The following SRP72 variants were observed in gnomAD, a reference collection of about 807,000 sequenced individuals.
The protein encoded by SRP72 is signal recognition particle 72.
SRP72 carries 49 observed loss-of-function variants against 96.3 expected under a neutral mutation model. The observed-to-expected ratio is 0.51, with a 90% CI of 0.40 to 0.65. The LOEUF (loss-of-function observed/expected upper bound fraction) is 0.65, where lower values mean the gene tolerates loss of function less well. Among genes scored for constraint, SRP72 ranks in the 30% least tolerant of loss-of-function variants. The probability of loss-of-function intolerance (pLI) is 0.00; values close to 1 mark genes in which losing one functional copy is unlikely to be tolerated. For synonymous variants in SRP72, 267 were observed against 275.2 expected, an observed-to-expected ratio of 0.97 and a Z score of 0.30; for missense variants, 736 against 793.3, an observed-to-expected ratio of 0.93 and a Z score of 0.87.
chr4:56,483,476 G>A (rs1199855197), intron 9 of SRP72, among the ~76,000 whole-genome samples: 1 of 152,066 alleles, frequency 6.6e-6, no homozygotes, highest in Non-Finnish European at 1.5e-5. Context: ...ACTTTGGGAG[G>A]TTGAAGTGGG....
chr4:56,495,521 T>G (rs890595238), intron 17 of SRP72, 127 bp downstream of exon 17: 2 of 507,496 alleles, frequency 3.9e-6, no homozygotes, highest in Non-Finnish European at 6.9e-6. Flanking sequence ...TTATCTTGAC[T>G]ATAGCTAACA....
intron 5 of SRP72, among the ~76,000 whole-genome samples, chr4:56,474,766 C>T (rs1720140079): frequency 6.6e-6 from 1 of 152,028 alleles, no homozygotes; most frequent in African/African-American, 2.4e-5. Context: ...CTCATTTCAC[C>T]CTCCGCCTCC....
At position 56,490,411 on chromosome 4, in the gene SRP72, A is replaced by AT; in HGVS notation, c.1401dup (p.Ser468Ter). 1 of 1,614,076 alleles carries AT rather than the reference A, an allele frequency of 6.2e-7. No individual in the cohort carries two copies. The highest frequency in any genetic ancestry group is 8.5e-7 in the Non-Finnish European group (1 of 1,179,974). On this transcript the variant is annotated frameshift_variant, in exon 14 of 19. Transcript: ENST00000642900. LOFTEE classifies it high-confidence loss of function. ...CAAATATGGGCGGAAGAAGGAGGCA[A>AT]TTAGTGACCTACAACAGCTGTGGAA... is the stretch of plus-strand genomic sequence containing the variant.
chr4:56,489,353 G>A (rs765964480), intron 12 of SRP72, 35 bp from the exon 13 acceptor site: 2 of 1,242,938 alleles, frequency 1.6e-6, no homozygotes, highest in Admixed American at 1.9e-5. Context: ...GGGAGTGAAG[G>A]GGGAGTTCAC....
intron 16 of SRP72, among the ~76,000 whole-genome samples, chr4:56,492,692 T>C (rs1720949772): frequency 6.6e-6 from 1 of 152,236 alleles, no homozygotes; most frequent in Non-Finnish European, 1.5e-5. Flanking sequence ...AATTGGAGTC[T>C]CAAAGAGGTT....
At chr4:56,470,701 G>A (rs1353674373) in intron 2 of SRP72, among the ~76,000 whole-genome samples, 1 of 152,136 alleles carries the variant, frequency 6.6e-6, no homozygotes, top group South Asian at 2.1e-4. Context: ...AAATAAAAGG[G>A]AAATAGAGGC....
chr4:56,483,673 GAA>G (rs920717276), intron 9 of SRP72, among the ~76,000 whole-genome samples: 1 of 126,428 alleles, frequency 7.9e-6, no homozygotes, highest in Non-Finnish European at 1.7e-5. Context: ...TCTCCAAAAA[GAA>G]AAAAAAAAAA....
chr4:56,495,236 T>G (rs900692738), intron 16 of SRP72, 121 bp from the exon 17 acceptor site: 8 of 509,660 alleles, frequency 1.6e-5, no homozygotes, highest in Non-Finnish European at 2.7e-5. Flanking sequence ...TTTGGTAAGC[T>G]GATACCAAGT....
intron 13 of SRP72, 129 bp from the exon 14 acceptor site, chr4:56,490,204 C>T (rs1331099503): frequency 6.0e-6 from 4 of 664,946 alleles, no homozygotes; most frequent in African/African-American, 5.5e-5. Flanking sequence ...TTGTTTCAGG[C>T]ATTCAGTGAA....
At position 56,501,673 on chromosome 4, in the gene SRP72, G is replaced by C. The variant is rs756416443; in HGVS notation, c.1839-11G>C. On this transcript the variant is annotated splice_polypyrimidine_tract_variant and intron_variant, in intron 18 of 18. Transcript: ENST00000642900. ...ATATATGAGTGACCAAAAATGATCT[G>C]ATGATTTCAGGGATGCCAGTAAAAC... 2.0e-5 allele frequency: 32 copies of C among 1,610,390 alleles called. No individual in the cohort carries two copies. The highest frequency in any genetic ancestry group is 2.7e-5 in the Non-Finnish European group (32 of 1,178,922).
chr4:56,469,137 A>C (rs550965681), intron 1 of SRP72, among the ~76,000 whole-genome samples: 1 of 152,344 alleles, frequency 6.6e-6, no homozygotes, highest in Middle Eastern at 3.4e-3. Flanking sequence ...TATTGTCAGT[A>C]ACCTTATTAA....
intron 6 of SRP72, among the ~76,000 whole-genome samples, chr4:56,478,154 C>CTTTTTTTT (rs796835545): frequency 1.7e-5 from 2 of 115,780 alleles, no homozygotes; most frequent in African/African-American, 3.1e-5. Context: ...TTTGCCTTTT[C>CTTTTTTTT]TTTTTTTTTT....
intron 2 of SRP72, 131 bp from the exon 3 acceptor site, chr4:56,471,589 A>C (rs541078033): frequency 1.0e-6 from 1 of 995,442 alleles, no homozygotes; most frequent in African/African-American, 1.7e-5. Context: ...ATATTTAGAC[A>C]AGTCTCTAAC....
chr4:56,483,871 G>C (rs1171538095), intron 9 of SRP72, among the ~76,000 whole-genome samples: 1 of 151,888 alleles, frequency 6.6e-6, no homozygotes, highest in Non-Finnish European at 1.5e-5. Flanking sequence ...TGCTAGCCAT[G>C]ATTATAGATT....
rs770222563 is a variant in SRP72, at chr4:56,469,607, A to T, written c.110-46A>T. ...GTGGGAAAATTTAGTAAAAATGTGA[A>T]AAGGAAATGGATTTAAAAATGACTT... is the stretch of plus-strand genomic sequence containing the variant. On this transcript the variant is annotated intron_variant, in intron 1 of 18. Transcript: ENST00000642900. 2.0e-6 allele frequency: 3 copies of T among 1,493,280 alleles called. No homozygotes were observed. In the South Asian group the frequency reaches 4.2e-5, roughly 21 times the overall value. 92.5% of individuals were successfully genotyped at this position (1,493,280 alleles called of 1,614,324 possible).
chr4:56,475,201 G>A (rs191733300), intron 5 of SRP72, among the ~76,000 whole-genome samples: 11 of 152,086 alleles, frequency 7.2e-5, no homozygotes, highest in Non-Finnish European at 1.3e-4. Flanking sequence ...ACTGTCAAAT[G>A]TTGAAAGTTA....
Position 56,472,348 on chromosome 4 carries a change from CTTTT to C in SRP72, c.354+521_354+524del, listed in dbSNP as rs11332013. ...CTAGCAAAACCCTCTTAAAGTTTTT[CTTTT>C]TTTTTTTTTTTTTTTAATGGAGTCT... On this transcript the variant is annotated intron_variant, in intron 3 of 18. Transcript: ENST00000642900. Among the ~76,000 whole-genome samples, 14 of 123,034 alleles carry C rather than the reference CTTTT, an allele frequency of 1.1e-4. No homozygotes were observed. In the South Asian group the frequency reaches 1.6e-3, roughly 14 times the overall value. The allele number at this position is 123,034 out of a possible 152,430, so 80.7% of individuals were successfully genotyped here. A position where few individuals can be genotyped will look rare whatever the true frequency, so the allele number is the denominator to read the frequency against.
chr4:56,493,583 C>T (rs1176258977), intron 16 of SRP72, among the ~76,000 whole-genome samples: 2 of 151,926 alleles, frequency 1.3e-5, no homozygotes, highest in African/African-American at 4.8e-5. Flanking sequence ...AACTTGAGCC[C>T]TGACATGGTG....
Position 56,490,510 on chromosome 4 carries a change from T to C in SRP72, c.1425-58T>C, listed in dbSNP as rs753951076. On this transcript the variant is annotated intron_variant, in intron 14 of 18. Coordinates refer to ENST00000642900, the MANE Select transcript of SRP72 (RefSeq NM_006947.4). ...ACTTGATATGAGGGAGTTACTTGTT[T>C]ATATTACTTTCTCCAGTTTTATAAA... The C allele has an allele frequency of 3.1e-6, 5 of 1,599,244 alleles. No individual in the cohort carries two copies. The African/African-American group carries it at 6.7e-5, about 22-fold the overall frequency.
Sources: gnomAD v4.1 joint callset for allele counts (sites outside exome capture counted in the v4.1 genomes callset) on GRCh38, gnomAD v4.1.1 for gene constraint, MANE v1.5 for transcripts, NCBI Gene and HGNC (gene_info 2026-07-23, HGNC 2026-07-21) for gene names.